CCSER1: variants seen among roughly 807,000 people sequenced by gnomAD.
CCSER1 encodes the protein serine-rich coiled-coil domain-containing protein 1.
CCSER1 carries 41 observed loss-of-function variants against 82.0 expected under a neutral mutation model. That is an observed-to-expected ratio of 0.50 (90% CI 0.39 to 0.65). CCSER1 has a LOEUF of 0.65. CCSER1 is among the 30% of genes least tolerant of loss of function. The pLI, the probability that CCSER1 is intolerant of heterozygous loss-of-function variation, is 0.00. For synonymous variants in CCSER1, 414 were observed against 383.9 expected, an observed-to-expected ratio of 1.08 and a Z score of -0.92; for missense variants, 1,119 against 1,064.2, an observed-to-expected ratio of 1.05 and a Z score of -0.72.
At chr4:90,440,590 T>C (rs1759723723) in intron 4 of CCSER1, among the ~76,000 whole-genome samples, 1 of 152,216 alleles carries the variant, frequency 6.6e-6, no homozygotes, top group Non-Finnish European at 1.5e-5. Flanking sequence ...CAAATGTTCT[T>C]GCAGAATTAT....
intron 10 of CCSER1, among the ~76,000 whole-genome samples, chr4:91,468,490 C>T (rs909148125): frequency 4.7e-5 from 7 of 150,322 alleles, no homozygotes; most frequent in African/African-American, 7.4e-5. Context: ...TACCCTAGAA[C>T]TTAACATATA....
chr4:90,867,946 G>A (rs760836034), intron 8 of CCSER1, among the ~76,000 whole-genome samples: 3 of 152,100 alleles, frequency 2.0e-5, no homozygotes, highest in African/African-American at 7.2e-5. Context: ...CTATTTGTCT[G>A]TTCATGGACA....
intron 7 of CCSER1, among the ~76,000 whole-genome samples, chr4:90,792,572 G>C (rs1755404481): frequency 6.6e-6 from 1 of 152,214 alleles, no homozygotes; most frequent in African/African-American, 2.4e-5. Context: ...TGTCAGCACT[G>C]TGTCCTGTGA....
At chr4:90,830,978 G>C (rs1053225783) in intron 8 of CCSER1, among the ~76,000 whole-genome samples, 2 of 151,952 alleles carry the variant, frequency 1.3e-5, no homozygotes, top group African/African-American at 4.8e-5. Context: ...CACTCAGCCT[G>C]TATTCCACTT....
chr4:90,785,816 A>G (rs770569695), intron 7 of CCSER1, among the ~76,000 whole-genome samples: 7 of 152,190 alleles, frequency 4.6e-5, no homozygotes, highest in African/African-American at 9.7e-5. Context: ...GAACAAAATG[A>G]GTATTGCTTT....
Position 91,441,285 on chromosome 4 carries a change from C to A in CCSER1, c.2218-157287C>A, listed in dbSNP as rs1028123341. ...AGCTTATCCACCATGATCAAGTGGG[C>A]TTCATCCCTGGGATGCAAGGCTGGT... On this transcript the variant is annotated intron_variant, in intron 10 of 10. Transcript: ENST00000509176. 3.9e-5 allele frequency among the ~76,000 whole-genome samples: 6 copies of A among 152,194 alleles called. No individual in the cohort carries two copies. In the South Asian group the frequency reaches 8.3e-4, roughly 21 times the overall value.
At chr4:90,505,205 C>G (rs1056188198) in intron 5 of CCSER1, among the ~76,000 whole-genome samples, 1 of 152,212 alleles carries the variant, frequency 6.6e-6, no homozygotes, top group Non-Finnish European at 1.5e-5. Flanking sequence ...GAGAAAAGGT[C>G]TGAGAGAAGG....
chr4:90,593,140 G>T (rs1782907034), intron 5 of CCSER1, among the ~76,000 whole-genome samples: 2 of 151,916 alleles, frequency 1.3e-5, no homozygotes, highest in Admixed American at 1.3e-4. Context: ...ACTTACTTTG[G>T]ATTTATTCAT....
chr4:90,523,360 A>G (rs754567235), intron 5 of CCSER1, among the ~76,000 whole-genome samples: 1 of 152,118 alleles, frequency 6.6e-6, no homozygotes, highest in African/African-American at 2.4e-5. Context: ...TTCTATTTGT[A>G]TTGTGACTTC....
intron 7 of CCSER1, among the ~76,000 whole-genome samples, chr4:90,756,240 T>G (rs1367702338): frequency 2.0e-5 from 3 of 152,016 alleles, no homozygotes; most frequent in Middle Eastern, 3.4e-3. Flanking sequence ...AAAAACAAAT[T>G]AATAAGTAAA....
intron 9 of CCSER1, among the ~76,000 whole-genome samples, chr4:91,003,900 G>C (rs940610804): frequency 2.0e-5 from 3 of 152,160 alleles, no homozygotes; most frequent in Non-Finnish European, 4.4e-5. Context: ...GGCTTTTCCT[G>C]CTTCTTCCTC....
chr4:91,539,775 C>A (rs1761493355), intron 10 of CCSER1, among the ~76,000 whole-genome samples: 1 of 152,074 alleles, frequency 6.6e-6, no homozygotes, highest in African/African-American at 2.4e-5. Flanking sequence ...TTCTGTACCA[C>A]CTTCTCTTTA....
chr4:90,229,177 T>C (rs1309225676), intron 1 of CCSER1, among the ~76,000 whole-genome samples: 4 of 152,044 alleles, frequency 2.6e-5, no homozygotes, highest in African/African-American at 7.2e-5. Flanking sequence ...GTCAGATTCA[T>C]TGAAGTTGAA....
intron 4 of CCSER1, among the ~76,000 whole-genome samples, chr4:90,441,394 G>C (rs1336518977): frequency 1.3e-5 from 2 of 152,084 alleles, no homozygotes; most frequent in African/African-American, 2.4e-5. Context: ...GCTGCTAAAG[G>C]CTGTCTTCCT....
chr4:90,336,691 A>G (rs1457070446), intron 3 of CCSER1, among the ~76,000 whole-genome samples: 1 of 152,122 alleles, frequency 6.6e-6, no homozygotes, highest in Non-Finnish European at 1.5e-5. Context: ...TAGGGAGTTT[A>G]TTTTTGCTTT....
intron 10 of CCSER1, among the ~76,000 whole-genome samples, chr4:91,192,965 C>A (rs989846839): frequency 6.6e-6 from 1 of 152,082 alleles, no homozygotes; most frequent in Non-Finnish European, 1.5e-5. Context: ...CTCCCACAGC[C>A]TTTACATTTC....
At chr4:91,229,876 C>G (rs758180101) in intron 10 of CCSER1, among the ~76,000 whole-genome samples, 2 of 152,014 alleles carry the variant, frequency 1.3e-5, no homozygotes, top group Non-Finnish European at 2.9e-5. Flanking sequence ...GACAAAATAC[C>G]TAATGCACAC....
intron 10 of CCSER1, among the ~76,000 whole-genome samples, chr4:91,132,792 A>G (rs757761638): frequency 2.0e-5 from 3 of 152,214 alleles, no homozygotes; most frequent in Non-Finnish European, 4.4e-5. Flanking sequence ...AGTTTAGAAG[A>G]AACAATTTCA....
chr4:90,925,433 T>C (rs17017831), intron 9 of CCSER1, among the ~76,000 whole-genome samples: 8,182 of 152,266 alleles, frequency 0.054, 624 homozygotes, highest in African/African-American at 0.17. Flanking sequence ...GAATTCTAAC[T>C]TTTTAAATGA....
Sources: gnomAD v4.1 joint callset for allele counts (sites outside exome capture counted in the v4.1 genomes callset) on GRCh38, gnomAD v4.1.1 for gene constraint, MANE v1.5 for transcripts, NCBI Gene and HGNC (gene_info 2026-07-23, HGNC 2026-07-21) for gene names.